SCN1A: variants seen among roughly 807,000 people sequenced by gnomAD.
SCN1A encodes sodium voltage-gated channel alpha subunit 1.
A neutral mutation model predicts 193.7 loss-of-function variants in SCN1A; 13 were observed. The observed-to-expected ratio is 0.07, with a 90% CI of 0.04 to 0.11. SCN1A has a LOEUF of 0.11. Ranked by LOEUF, SCN1A falls within the 10% of genes least tolerant of loss-of-function variation. The pLI is 1.00. For synonymous variants in SCN1A, 781 were observed against 843.6 expected, an observed-to-expected ratio of 0.93 and a Z score of 1.29; for missense variants, 1,432 against 2,451.1, an observed-to-expected ratio of 0.58 and a Z score of 8.78.
intron 19 of SCN1A, among the ~76,000 whole-genome samples, chr2:166,025,996 T>C (rs1413199218): frequency 1.3e-5 from 2 of 151,572 alleles, no homozygotes; most frequent in Non-Finnish European, 2.9e-5. Context: ...GTTGGAATTC[T>C]TTCTATCAAT....
chr2:166,077,421 C>A (rs1685092733), intron 3 of SCN1A, among the ~76,000 whole-genome samples: 1 of 151,928 alleles, frequency 6.6e-6, no homozygotes, highest in African/African-American at 2.4e-5. Flanking sequence ...AGACACTTCA[C>A]CAAAGAAGAC....
rs199727342 is a variant in SCN1A at position 165,992,369 on chromosome 2, G to T, written c.4906C>A (p.Arg1636=). 1.3e-5 allele frequency: 21 copies of T among 1,613,528 alleles called. No homozygotes were observed. In the African/African-American group the frequency reaches 2.4e-4, roughly 18 times the overall value. The change falls in exon 29 of 29, where the codon CGA becomes AGA. Residue 1636 remains arginine, a synonymous_variant. Transcript: ENST00000674923. The surrounding 1 kb of genome is among the most constrained non-coding windows in gnomAD (Gnocchi z 6.5). The part of the protein sequence containing the change: ...EKYFVSPTLF[R]VIRLARIGRI... ...CCAATCCTAGCAAGACGGATCACTC[G>T]GAACAGGGTAGGGGACACGAAATAC...
intron 19 of SCN1A, among the ~76,000 whole-genome samples, chr2:166,026,122 T>G (rs1307021097): frequency 6.6e-6 from 1 of 152,102 alleles, no homozygotes; most frequent in Non-Finnish European, 1.5e-5. Flanking sequence ...TATAGAAATA[T>G]TCCATGAACC....
chr2:166,050,635 A>ATATATATATATATATG (rs1553548978), intron 9 of SCN1A, among the ~76,000 whole-genome samples: 55 of 83,184 alleles, frequency 6.6e-4, no homozygotes, highest in Non-Finnish European at 9.6e-4. Flanking sequence ...ATATATATAT[A>ATATATATATATATATG]TATGTGTGTA....
intron 27 of SCN1A, 114 bp downstream of exon 27, chr2:165,995,899 T>C: frequency 4.0e-6 from 3 of 743,750 alleles, no homozygotes; most frequent in Non-Finnish European, 7.2e-6. Context: ...GATGATGCTC[T>C]ACAAGTGAAA....
chr2:166,064,042 T>C (rs1683586009), intron 4 of SCN1A, among the ~76,000 whole-genome samples: 1 of 152,100 alleles, frequency 6.6e-6, no homozygotes, highest in Non-Finnish European at 1.5e-5. Context: ...AAGGAAGTTA[T>C]ATAGAAAAAT....
chr2:166,084,240 A>T (rs1434251024), intron 2 of SCN1A, among the ~76,000 whole-genome samples: 11 of 116,368 alleles, frequency 9.5e-5, no homozygotes, highest in African/African-American at 3.7e-4. Flanking sequence ...TTTTTTGCTC[A>T]GCCTCCATCT....
intron 2 of SCN1A, among the ~76,000 whole-genome samples, chr2:166,126,674 C>T (rs1691280868): frequency 6.6e-6 from 1 of 152,202 alleles, no homozygotes; most frequent in South Asian, 2.1e-4. Context: ...GAAGAAGACA[C>T]ATTTTATAGG....
At chr2:166,059,533 A>G (rs4667867) in intron 4 of SCN1A, 101,150 of 151,986 alleles carry the variant, frequency 0.67, 34,115 homozygotes, top group East Asian at 0.89. Context: ...ATGTAAGGGT[A>G]TAAAAAGGGC....
intron 1 of SCN1A, among the ~76,000 whole-genome samples, chr2:166,135,297 G>T (rs553017121): frequency 6.6e-6 from 1 of 152,172 alleles, no homozygotes; most frequent in African/African-American, 2.4e-5. Flanking sequence ...TACTCTAAAG[G>T]ATATAGCTGA....
At position 165,999,741 on chromosome 2, in the gene SCN1A, T is replaced by A. The variant is rs2105486670; in HGVS notation, c.4320A>T (p.Ala1440=). The A allele has an allele frequency of 1.9e-6, 3 of 1,607,524 alleles. No homozygotes were observed. Among genetic ancestry groups the A allele is most frequent in the Non-Finnish European group, 2.6e-6 (3 of 1,175,016 alleles). ...TACTTACATTTCTGGAATCAACTGCTGCATACATTATATCCATCCATCCTT... is the reference window on the plus strand; with the variant it reads ...TACTTACATTTCTGGAATCAACTGCAGCATACATTATATCCATCCATCCTT... ...TFKGWMDIMY[A]AVDSRNVELQ... The change falls in exon 25 of 29, where the codon GCA becomes GCT. Residue 1440 remains alanine, a synonymous_variant. Coordinates refer to ENST00000674923, the MANE Select transcript of SCN1A (RefSeq NM_001165963.4).
At chr2:166,047,597 A>G in intron 11 of SCN1A, 30 bp downstream of exon 11, 1 of 1,611,520 alleles carries the variant, frequency 6.2e-7, no homozygotes. Context: ...ACTTTTACTT[A>G]AATGGAGAGT....
At chr2:166,026,679 CTTTTTTTTTTTTT>C (rs35750460) in intron 19 of SCN1A, among the ~76,000 whole-genome samples, 2 of 97,712 alleles carry the variant, frequency 2.0e-5, no homozygotes, top group East Asian at 3.1e-4. Flanking sequence ...TTCTTTCTTT[CTTTTTTTTTTTTT>C]TTTTTTTTTG....
At chr2:166,008,099 T>C (rs892130786) in intron 23 of SCN1A, among the ~76,000 whole-genome samples, 1 of 151,292 alleles carries the variant, frequency 6.6e-6, no homozygotes, top group African/African-American at 2.4e-5. Flanking sequence ...TATCAGCATT[T>C]ATAAGGATTT....
At position 165,991,280 on chromosome 2, in the gene SCN1A, G is replaced by A. The variant is rs933130550; in HGVS notation, c.5995C>T (p.Gln1999Ter). 4.3e-6 allele frequency: 7 copies of A among 1,613,072 alleles called. No individual in the cohort carries two copies. The highest frequency in any genetic ancestry group is 2.7e-5 in the African/African-American group (2 of 74,780). Residue 1999 changes from glutamine (Q) to a stop codon, truncating the protein, a stop_gained, in exon 29 of 29, where the codon CAA (glutamine) becomes TAA (stop). Coordinates refer to ENST00000674923, the MANE Select transcript of SCN1A (RefSeq NM_001165963.4). LOFTEE classifies it high-confidence loss of function. ...VTKPIVEKHEQEGKDEKAKGK is the reference protein window; with the variant it reads ...VTKPIVEKHE ...TTGGCTTTTTCATCTTTGCCTTCTT[G>A]CTCATGTTTTTCCACAATTGGCTTT...
chr2:166,109,266 A>G (rs1338725099), intron 2 of SCN1A, among the ~76,000 whole-genome samples: 5 of 152,176 alleles, frequency 3.3e-5, no homozygotes, highest in East Asian at 1.9e-4. Flanking sequence ...AACTAGGTAC[A>G]CTACTGAATT....
chr2:166,141,541 A>T (rs560234062), intron 1 of SCN1A, among the ~76,000 whole-genome samples: 1 of 152,058 alleles, frequency 6.6e-6, no homozygotes, highest in Non-Finnish European at 1.5e-5. Flanking sequence ...ATATTTTTTT[A>T]AAAAGAAAGA....
At chr2:166,080,390 A>T (rs1487290891) in intron 2 of SCN1A, among the ~76,000 whole-genome samples, 3 of 151,908 alleles carry the variant, frequency 2.0e-5, no homozygotes, top group Non-Finnish European at 4.4e-5. Context: ...GGCCTTTTCA[A>T]GATGATTATG....
intron 3 of SCN1A, chr2:166,075,467 A>G (rs1029681668): frequency 6.6e-6 from 1 of 152,048 alleles, no homozygotes; most frequent in East Asian, 1.9e-4. Flanking sequence ...CTTAAAATGT[A>G]TATTAGAGTT....
Sources: allele counts gnomAD v4.1 joint callset (sites outside exome capture counted in the v4.1 genomes callset), GRCh38; gene constraint gnomAD v4.1.1; non-coding constraint Gnocchi (gnomAD v3.1); transcripts MANE v1.5; gene names NCBI Gene and HGNC (gene_info 2026-07-23, HGNC 2026-07-21).